Variants in ZNF709 observed in about 807,000 individuals in gnomAD.
The protein encoded by ZNF709 is zinc finger protein 709.
In ZNF709, 15 loss-of-function variants were observed where a neutral mutation model predicts 10.6. The observed-to-expected ratio is 1.41, with a 90% CI of 0.95 to 2.18. The LOEUF (loss-of-function observed/expected upper bound fraction) is 2.18. Ranked by LOEUF, ZNF709 falls within the 30% of genes most tolerant of loss-of-function variation. The probability of loss-of-function intolerance (pLI) is 0.00; values close to 1 mark genes in which losing one functional copy is unlikely to be tolerated. For synonymous variants in ZNF709, 194 were observed against 238.8 expected (o/e 0.81, Z 1.73); for missense variants, 589 against 774.0 (o/e 0.76, Z 2.84).
rs1970764784 is a variant in ZNF709, at chr19:12,484,763, G to A, written c.-106C>T. 6.7e-7 allele frequency: 1 copy of A among 1,490,426 alleles called. No homozygotes were observed. Among genetic ancestry groups the A allele is most frequent in the Admixed American group, 1.7e-5 (1 of 58,650 alleles). The allele number at this position is 1,490,426 out of a possible 1,614,324, so 92.3% of individuals were successfully genotyped here. Reference sequence around the variant, plus strand: ...CCTCCACCTGAGGGCCTTCTGGGGTGAGGAGACCCCAGAGCGGAGCGCAGC... The same window carrying A: ...CCTCCACCTGAGGGCCTTCTGGGGTAAGGAGACCCCAGAGCGGAGCGCAGC... On this transcript the variant is annotated 5_prime_UTR_variant, in exon 1 of 4. Coordinates refer to ENST00000397732, the MANE Select transcript of ZNF709 (RefSeq NM_152601.4).
chr19:12,465,818 T>G (rs1289388202), intron 3 of ZNF709, 85 bp from the exon 4 acceptor site: 1 of 1,105,472 alleles, frequency 9.0e-7, no homozygotes, highest in Non-Finnish European at 1.2e-6. Flanking sequence ...TTCACAATCA[T>G]TAGTAGGTAG....
At chr19:12,469,057 G>A (rs1331709352) in intron 1 of ZNF709, among the ~76,000 whole-genome samples, 6 of 152,076 alleles carry the variant, frequency 3.9e-5, no homozygotes, top group Non-Finnish European at 8.8e-5. Flanking sequence ...AGCCAGGATG[G>A]TCTCGATCTC....
At chr19:12,472,521 C>CAA (rs34678727) in intron 1 of ZNF709, among the ~76,000 whole-genome samples, 949 of 83,758 alleles carry the variant, frequency 0.011, 26 homozygotes, top group Admixed American at 0.026. Flanking sequence ...GACTCCATCT[C>CAA]AAAAAAAAAA....
intron 1 of ZNF709, chr19:12,481,152 T>C: frequency 1.0e-6 from 1 of 983,618 alleles, no homozygotes; most frequent in Non-Finnish European, 1.2e-6. Flanking sequence ...AAAATGTACC[T>C]GAGAATGTAA....
intron 1 of ZNF709, among the ~76,000 whole-genome samples, chr19:12,467,168 C>T (rs139319244): frequency 0.044 from 6,762 of 152,312 alleles, 149 homozygotes; most frequent in Middle Eastern, 0.085. Flanking sequence ...TCTCTTTCCA[C>T]GGTCTCCCTC....
chr19:12,467,830 G>A lies in ZNF709; in HGVS notation c.4-980C>T, dbSNP rs563414854. ...AGGTGAGGAGTGCCTCTGCCCGGCC[G>A]CAACCCCGTCTGAGAAGTGAGGAGA... On this transcript the variant is annotated intron_variant, in intron 1 of 3. Coordinates refer to ENST00000397732, the MANE Select transcript of ZNF709 (RefSeq NM_152601.4). 1.3e-3 allele frequency among the ~76,000 whole-genome samples: 182 copies of A among 142,148 alleles called. 2 individuals carry two copies. Among genetic ancestry groups the A allele is most frequent in the Admixed American group, 4.4e-3 (63 of 14,280 alleles). The allele number at this position is 142,148 out of a possible 152,430, so 93.3% of individuals were successfully genotyped here. A position where few individuals can be genotyped will look rare whatever the true frequency, so the allele number is the denominator to read the frequency against.
At chr19:12,483,307 ATTTTTT>A (rs35777030) in intron 1 of ZNF709, among the ~76,000 whole-genome samples, 1,667 of 95,210 alleles carry the variant, frequency 0.018, 29 homozygotes, top group African/African-American at 0.059. Flanking sequence ...CGCCCAGCTA[ATTTTTT>A]TTTTTTTTTT....
Position 12,465,324 on chromosome 19 carries a change from C to A in ZNF709, c.598G>T (p.Glu200Ter). 1 of 1,612,456 alleles carries A rather than the reference C, an allele frequency of 6.2e-7. No individual in the cohort carries two copies. The highest frequency in any genetic ancestry group is 8.5e-7 in the Non-Finnish European group (1 of 1,179,412). The stretch of plus-strand genomic sequence containing the variant: ...TGATAAATGAAGGCCTTCCCACATT[C>A]CTTACATTCATAAGGTTTCTCTCCA... Reference protein sequence around the residue: ...HTGEKPYECKECGKAFIYHTT... With the variant: ...HTGEKPYECK The change falls in exon 4 of 4, where the codon GAA becomes TAA. Residue 200 changes from glutamate to a stop codon, truncating the protein, a stop_gained. Transcript: ENST00000397732. LOFTEE classifies it low-confidence loss of function (END_TRUNC).
chr19:12,484,101 A>G (rs1031663069), intron 1 of ZNF709, among the ~76,000 whole-genome samples: 1 of 152,222 alleles, frequency 6.6e-6, no homozygotes, highest in South Asian at 2.1e-4. Context: ...TGGTTGAAAT[A>G]ACGACGTTGT....
Position 12,464,863 on chromosome 19 carries a change from T to G in ZNF709, c.1059A>C (p.Arg353Ser). The G allele has an allele frequency of 6.2e-7, 1 of 1,614,040 alleles. No individual in the cohort carries two copies. Among genetic ancestry groups the G allele is most frequent in the Middle Eastern group, 1.6e-4 (1 of 6,062 alleles). ...KAFISLPSYR[R>S]HMIMHTGNGP... Reference sequence around the variant, plus strand: ...CATTTCCAGTGTGCATTATCATATGTCTTCGATAGCTTGGAAGAGAAATGA... The same window carrying G: ...CATTTCCAGTGTGCATTATCATATGGCTTCGATAGCTTGGAAGAGAAATGA... Residue 353 changes from arginine to serine, a missense_variant, in exon 4 of 4, where the codon AGA (arginine) becomes AGC (serine). Around this residue, in one of 2 missense-constraint regions of ZNF709, gnomAD observed 418 missense variants for 496.3 expected, o/e 0.84. Coordinates refer to ENST00000397732, the MANE Select transcript of ZNF709 (RefSeq NM_152601.4).
chr19:12,467,169 G>A (rs958181585), intron 1 of ZNF709, among the ~76,000 whole-genome samples: 2 of 152,212 alleles, frequency 1.3e-5, no homozygotes, highest in Admixed American at 6.5e-5. Context: ...CTCTTTCCAC[G>A]GTCTCCCTCT....
chr19:12,469,839 C>A (rs1195607978), intron 1 of ZNF709, among the ~76,000 whole-genome samples: 1 of 152,052 alleles, frequency 6.6e-6, no homozygotes, highest in African/African-American at 2.4e-5. Context: ...ACTGTTAGCA[C>A]ACATAGGATG....
intron 1 of ZNF709, among the ~76,000 whole-genome samples, chr19:12,482,169 A>ACACT (rs1338398334): frequency 6.6e-6 from 1 of 151,260 alleles, no homozygotes; most frequent in Non-Finnish European, 1.5e-5. Context: ...ACACACACAC[A>ACACT]CACACACACA....
intron 1 of ZNF709, among the ~76,000 whole-genome samples, chr19:12,467,713 G>A (rs943853758): frequency 1.3e-5 from 2 of 150,418 alleles, no homozygotes; most frequent in African/African-American, 4.9e-5. Flanking sequence ...TCTGCCCGGC[G>A]GCCCATCGTC....
At chr19:12,476,879 T>G (rs1970681962) in intron 1 of ZNF709, among the ~76,000 whole-genome samples, 1 of 152,172 alleles carries the variant, frequency 6.6e-6, no homozygotes, top group African/African-American at 2.4e-5. Context: ...AGTATTTATG[T>G]GTCCTGAATG....
chr19:12,480,881 G>A (rs954198725), intron 1 of ZNF709, among the ~76,000 whole-genome samples: 1 of 151,840 alleles, frequency 6.6e-6, no homozygotes, highest in South Asian at 2.1e-4. Context: ...CCAGGCTCAA[G>A]GGATCCTCCC....
chr19:12,462,529 T>A lies in ZNF709; in HGVS notation c.*1467A>T, dbSNP rs572909716. ...ACAAACAGCAAACAGAAGATGAAAA[T>A]AATAATTCCAATGAGAGAGTATACT... On this transcript the variant is annotated 3_prime_UTR_variant, in exon 4 of 4. Transcript: ENST00000397732. 6.6e-6 allele frequency: 1 copy of A among 152,112 alleles called. No individual in the cohort carries two copies. The highest frequency in any genetic ancestry group is 1.9e-4 in the East Asian group (1 of 5,170). The allele number at this position is 152,112 out of a possible 1,614,324, so 9.4% of individuals were successfully genotyped here.
chr19:12,484,775 G>C lies in ZNF709; in HGVS notation c.-118C>G. The C allele has an allele frequency of 1.4e-6, 2 of 1,416,320 alleles. No homozygotes were observed. Among genetic ancestry groups the C allele is most frequent in the African/African-American group, 2.8e-5 (2 of 70,412 alleles). 87.7% of individuals were successfully genotyped at this position (1,416,320 alleles called of 1,614,324 possible). A position where few individuals can be genotyped will look rare whatever the true frequency, so the allele number is the denominator to read the frequency against. On this transcript the variant is annotated 5_prime_UTR_variant, in exon 1 of 4. Transcript: ENST00000397732. The stretch of plus-strand genomic sequence containing the variant: ...GGCCTTCTGGGGTGAGGAGACCCCA[G>C]AGCGGAGCGCAGCGGCTGGTAGCCA...
At chr19:12,468,693 A>G (rs1258841915) in intron 1 of ZNF709, among the ~76,000 whole-genome samples, 1 of 150,894 alleles carries the variant, frequency 6.6e-6, no homozygotes, top group African/African-American at 2.4e-5. Flanking sequence ...TGATCAATAA[A>G]AAAAAAAAAA....
Sources: allele counts gnomAD v4.1 joint callset (sites outside exome capture counted in the v4.1 genomes callset), GRCh38; gene constraint gnomAD v4.1.1; regional missense constraint gnomAD v4.1.1; transcripts MANE v1.5; gene names NCBI Gene and HGNC (gene_info 2026-07-23, HGNC 2026-07-21).